DPP6: variants seen among roughly 807,000 people sequenced by gnomAD.
The protein encoded by DPP6 is A-type potassium channel modulatory protein DPP6.
Under a neutral mutation model 122.6 loss-of-function variants are expected in DPP6, and 69 were observed. That is an observed-to-expected ratio of 0.56 (90% CI 0.46 to 0.69). DPP6 has a LOEUF of 0.69. Ranked by LOEUF, DPP6 falls within the 30% of genes least tolerant of loss-of-function variation. The pLI is 0.00. For missense variants in DPP6, 928 were observed against 1,116.9 expected (o/e 0.83, Z 2.41); for synonymous variants, 418 against 433.1 (o/e 0.97, Z 0.43).
At chr7:154,164,404 C>T (rs775828930) in intron 1 of DPP6, among the ~76,000 whole-genome samples, 6 of 152,044 alleles carry the variant, frequency 3.9e-5, no homozygotes, top group Non-Finnish European at 8.8e-5. Flanking sequence ...AAAACATTGT[C>T]GTTGTGTTTG....
chr7:154,176,081 G>A (rs115856179), intron 1 of DPP6, among the ~76,000 whole-genome samples: 1,895 of 152,228 alleles, frequency 0.012, 14 homozygotes, highest in South Asian at 0.04. Flanking sequence ...TTGTGTTCAT[G>A]GAATAGGAGG....
chr7:153,800,211 T>A, the DPP6 span, among the ~76,000 whole-genome samples: 1 of 152,158 alleles, frequency 6.6e-6, no homozygotes, highest in Non-Finnish European at 1.5e-5. Flanking sequence ...AAATACCATA[T>A]ATATACACAC....
intron 7 of DPP6, among the ~76,000 whole-genome samples, chr7:154,716,981 G>C (rs1841523480): frequency 1.3e-5 from 2 of 151,890 alleles, no homozygotes; most frequent in African/African-American, 4.8e-5. Flanking sequence ...TTACAGGCGT[G>C]CACCACAACG....
intron 1 of DPP6, among the ~76,000 whole-genome samples, chr7:153,998,639 G>A (rs1402577535): frequency 6.6e-6 from 1 of 152,170 alleles, no homozygotes; most frequent in Non-Finnish European, 1.5e-5. Flanking sequence ...TAATGAGATG[G>A]GAAGTGATTA....
chr7:154,480,222 A>G (rs1016656899), intron 3 of DPP6, among the ~76,000 whole-genome samples: 6 of 152,002 alleles, frequency 3.9e-5, no homozygotes, highest in African/African-American at 1.5e-4. Context: ...ACCTCATCTC[A>G]AGTCCACATG....
chr7:154,616,763 C>A (rs919251296), intron 5 of DPP6, among the ~76,000 whole-genome samples: 3 of 152,098 alleles, frequency 2.0e-5, no homozygotes, highest in African/African-American at 7.2e-5. Flanking sequence ...AAGGAGGAGC[C>A]GTGAGCATTC....
intron 10 of DPP6, among the ~76,000 whole-genome samples, chr7:154,788,026 A>G (rs1015433832): frequency 2.0e-5 from 3 of 152,194 alleles, no homozygotes; most frequent in Non-Finnish European, 4.4e-5. Context: ...CATCAAATTG[A>G]TAGTAGTTTA....
chr7:154,786,188 T>C (rs1234511748), intron 10 of DPP6, among the ~76,000 whole-genome samples: 1 of 152,226 alleles, frequency 6.6e-6, no homozygotes, highest in Admixed American at 6.5e-5. Context: ...TTTTCTGAAT[T>C]CTTGAATAGC....
intron 8 of DPP6, among the ~76,000 whole-genome samples, chr7:154,767,706 C>G (rs1795996007): frequency 6.6e-6 from 1 of 152,112 alleles, no homozygotes; most frequent in Non-Finnish European, 1.5e-5. Context: ...GAACACACAG[C>G]AGGACTGGGG....
At chr7:154,857,655 C>T (rs541003653) in intron 17 of DPP6, among the ~76,000 whole-genome samples, 34 of 152,318 alleles carry the variant, frequency 2.2e-4, no homozygotes, top group African/African-American at 7.9e-4. Context: ...GATGAGAAGG[C>T]AGGTGCCTGG....
chr7:153,825,795 A>T, the DPP6 span, among the ~76,000 whole-genome samples: 2 of 152,132 alleles, frequency 1.3e-5, no homozygotes, highest in East Asian at 3.9e-4. Flanking sequence ...TCCTGAGCTC[A>T]GGCAGTCTGC....
chr7:153,957,490 A>G (rs914227024), intron 1 of DPP6, among the ~76,000 whole-genome samples: 1 of 152,214 alleles, frequency 6.6e-6, no homozygotes, highest in Non-Finnish European at 1.5e-5. Context: ...TCCCGGCCAC[A>G]TAGAAGTTGG....
chr7:154,770,378 C>T (rs1796184647), intron 9 of DPP6, among the ~76,000 whole-genome samples: 1 of 152,156 alleles, frequency 6.6e-6, no homozygotes. Context: ...GACCTGCTCC[C>T]ATGATTCAAT....
intron 1 of DPP6, among the ~76,000 whole-genome samples, chr7:153,948,864 A>T (rs1286337465): frequency 6.7e-6 from 1 of 150,116 alleles, no homozygotes; most frequent in Non-Finnish European, 1.5e-5. Flanking sequence ...ACAGGTAAAG[A>T]TGACTGAAGA....
intron 2 of DPP6, among the ~76,000 whole-genome samples, chr7:154,471,265 CA>C (rs1187150630): frequency 1.3e-5 from 2 of 152,250 alleles, no homozygotes; most frequent in African/African-American, 4.8e-5. Context: ...AACAAACAAA[CA>C]AAAGCATAGC....
chr7:154,171,013 C>A (rs193213165), intron 1 of DPP6, among the ~76,000 whole-genome samples: 1 of 152,184 alleles, frequency 6.6e-6, no homozygotes, highest in Non-Finnish European at 1.5e-5. Context: ...TCTCTTCCTG[C>A]TGCTCGCTGG....
chr7:154,299,074 C>T (rs1354850085), intron 1 of DPP6, among the ~76,000 whole-genome samples: 1 of 152,238 alleles, frequency 6.6e-6, no homozygotes, highest in Non-Finnish European at 1.5e-5. Flanking sequence ...GCTTCAGGGA[C>T]TTCCTCCTCC....
intron 1 of DPP6, among the ~76,000 whole-genome samples, chr7:154,147,962 C>T (rs896908671): frequency 2.0e-5 from 3 of 151,390 alleles, no homozygotes; most frequent in African/African-American, 4.9e-5. Flanking sequence ...TGAACCCAAA[C>T]CTCACAGTTA....
intron 1 of DPP6, among the ~76,000 whole-genome samples, chr7:154,334,392 C>A (rs1411562648): frequency 6.6e-6 from 1 of 152,194 alleles, no homozygotes; most frequent in Non-Finnish European, 1.5e-5. Flanking sequence ...CCCCTCTTAT[C>A]AGTTGTGATG....
Sources: gnomAD v4.1 joint callset for allele counts (sites outside exome capture counted in the v4.1 genomes callset) on GRCh38, gnomAD v4.1.1 for gene constraint, MANE v1.5 for transcripts, NCBI Gene and HGNC (gene_info 2026-07-23, HGNC 2026-07-21) for gene names.